Variants in COLGALT2 observed in about 807,000 individuals in gnomAD.
COLGALT2 encodes procollagen galactosyltransferase 2.
COLGALT2 carries 49 observed loss-of-function variants against 73.4 expected under a neutral mutation model. The observed-to-expected ratio is 0.67, with a 90% CI of 0.53 to 0.85. The LOEUF is 0.85. Among genes scored for constraint, COLGALT2 ranks in the 40% least tolerant of loss-of-function variants. The probability of loss-of-function intolerance (pLI) is 0.00; values close to 1 mark genes in which losing one functional copy is unlikely to be tolerated. For missense variants in COLGALT2, 722 were observed against 790.2 expected (o/e 0.91, Z 1.03); for synonymous variants, 295 against 307.6 (o/e 0.96, Z 0.43).
rs139769066 is a variant in COLGALT2, at chr1:184,015,495, C to T, written c.263+21600G>A. Reference sequence around the variant, plus strand: ...TTACTCACTCTGAGAGTCCAATTCCCGCCATTAGAGACATTCTTGATATCT... The same window carrying T: ...TTACTCACTCTGAGAGTCCAATTCCTGCCATTAGAGACATTCTTGATATCT... On this transcript the variant is annotated intron_variant, in intron 1 of 11. Transcript: ENST00000361927. Among the ~76,000 whole-genome samples the T allele has an allele frequency of 1.4e-3, 211 of 152,276 alleles. 2 individuals carry two copies. The highest frequency in any genetic ancestry group is 0.014 in the Middle Eastern group (4 of 292).
rs1672178381 is a variant in COLGALT2 at position 184,009,525 on chromosome 1, TTCTTGTCTTATTCTCCATA to T, written c.263+27551_263+27569del. On this transcript the variant is annotated intron_variant, in intron 1 of 11. Coordinates refer to ENST00000361927, the MANE Select transcript of COLGALT2 (RefSeq NM_015101.4). ...GTCTACTTATTTTATCCTCTGTTTT[TTCTTGTCTTATTCTCCATA>T]TGAATCCCCCTTACTTCCTCTAAAC... Among the ~76,000 whole-genome samples the T allele has an allele frequency of 2.0e-5, 3 of 152,340 alleles. No homozygotes were observed. In the South Asian group the frequency reaches 6.2e-4, roughly 32 times the overall value.
At position 184,028,387 on chromosome 1, in the gene COLGALT2, T is replaced by C. The variant is rs539878020; in HGVS notation, c.263+8708A>G. Among the ~76,000 whole-genome samples, 7 of 152,264 alleles carry C rather than the reference T, an allele frequency of 4.6e-5. No homozygotes were observed. In the East Asian group the frequency reaches 1.4e-3, roughly 29 times the overall value. On this transcript the variant is annotated intron_variant, in intron 1 of 11. Transcript: ENST00000361927. ...GTCTTAGAGTTATGTCTCTCTCTTG[T>C]GAGAATGAGATACTTGCCTTCACCA...
chr1:183,955,262 G>T (rs1211029562), intron 6 of COLGALT2, among the ~76,000 whole-genome samples: 1 of 152,142 alleles, frequency 6.6e-6, no homozygotes, highest in Non-Finnish European at 1.5e-5. Context: ...ATTTAAATGA[G>T]ACCTGCGTGC....
intron 6 of COLGALT2, among the ~76,000 whole-genome samples, chr1:183,955,993 T>C (rs527564158): frequency 6.6e-6 from 1 of 152,302 alleles, no homozygotes; most frequent in African/African-American, 2.4e-5. Flanking sequence ...ACTGTGCTCA[T>C]AGCGGCATGT....
At chr1:183,970,814 T>C (rs1376504437) in intron 4 of COLGALT2, among the ~76,000 whole-genome samples, 1 of 152,238 alleles carries the variant, frequency 6.6e-6, no homozygotes, top group African/African-American at 2.4e-5. Context: ...GTATTATCAT[T>C]ACTATAATGT....
chr1:183,992,758 G>A (rs999685702), intron 1 of COLGALT2, among the ~76,000 whole-genome samples: 5 of 152,152 alleles, frequency 3.3e-5, no homozygotes, highest in African/African-American at 7.2e-5. Flanking sequence ...GGTAGGACAC[G>A]GATACTGGGC....
intron 7 of COLGALT2, among the ~76,000 whole-genome samples, chr1:183,954,379 T>C (rs1309041352): frequency 1.3e-5 from 2 of 152,242 alleles, no homozygotes; most frequent in Non-Finnish European, 2.9e-5. Context: ...TAGTTTCCAC[T>C]TGCTCAGATG....
intron 8 of COLGALT2, among the ~76,000 whole-genome samples, chr1:183,948,184 C>A (rs151124303): frequency 2.4e-4 from 37 of 151,994 alleles, no homozygotes; most frequent in African/African-American, 8.0e-4. Context: ...GAATCTTTCA[C>A]AAACTTCCAA....
intron 10 of COLGALT2, among the ~76,000 whole-genome samples, chr1:183,941,471 C>A (rs576915352): frequency 2.0e-5 from 3 of 152,334 alleles, no homozygotes; most frequent in Admixed American, 2.0e-4. Context: ...CAGGATGCAC[C>A]TTTGGCCACT....
At chr1:183,955,921 T>C (rs1291379446) in intron 6 of COLGALT2, among the ~76,000 whole-genome samples, 1 of 152,156 alleles carries the variant, frequency 6.6e-6, no homozygotes, top group Non-Finnish European at 1.5e-5. Context: ...GGGGAAAGTT[T>C]ATAGTGTGGT....
chr1:184,004,729 C>T (rs765752773), intron 1 of COLGALT2, among the ~76,000 whole-genome samples: 6 of 152,060 alleles, frequency 3.9e-5, no homozygotes, highest in Non-Finnish European at 8.8e-5. Flanking sequence ...TTATTCTAGT[C>T]TGCTGTACTG....
At chr1:184,019,061 T>A (rs1391261405) in intron 1 of COLGALT2, among the ~76,000 whole-genome samples, 2 of 152,206 alleles carry the variant, frequency 1.3e-5, no homozygotes, top group Non-Finnish European at 2.9e-5. Context: ...AATGTGCCTC[T>A]CCTTTCAAAA....
intron 11 of COLGALT2, 110 bp downstream of exon 11, chr1:183,940,470 AT>A: frequency 1.0e-6 from 1 of 976,678 alleles, no homozygotes; most frequent in Non-Finnish European, 1.6e-6. Flanking sequence ...TGAGAAGATC[AT>A]TTAGGAAAGC....
intron 1 of COLGALT2, among the ~76,000 whole-genome samples, chr1:184,010,784 T>G (rs7539379): frequency 0.19 from 29,275 of 152,160 alleles, 5,046 homozygotes; most frequent in African/African-American, 0.46. Flanking sequence ...AAGGTTTCTT[T>G]GAACTCAGTC....
chr1:183,979,472 A>G (rs1376998757), intron 1 of COLGALT2, among the ~76,000 whole-genome samples: 2 of 152,142 alleles, frequency 1.3e-5, no homozygotes, highest in African/African-American at 4.8e-5. Context: ...ATACATTTTC[A>G]TATATTACAG....
In COLGALT2 at chr1:183,936,700, T is replaced by G; in HGVS notation, c.*2061A>C. ...ACCCAAGGAAATCTTAGGAATCACC[T>G]AAGGAATTTTCACTCGCTCCCCAGA... On this transcript the variant is annotated 3_prime_UTR_variant, in exon 12 of 12. Coordinates refer to ENST00000361927, the MANE Select transcript of COLGALT2 (RefSeq NM_015101.4). 2 of 1,229,790 alleles carry G rather than the reference T, an allele frequency of 1.6e-6. No individual in the cohort carries two copies. Among genetic ancestry groups the G allele is most frequent in the Non-Finnish European group, 1.0e-6 (1 of 987,336 alleles). 76.2% of individuals were successfully genotyped at this position (1,229,790 alleles called of 1,614,324 possible).
At chr1:183,997,819 CAT>C (rs1315503608) in intron 1 of COLGALT2, among the ~76,000 whole-genome samples, 4 of 152,232 alleles carry the variant, frequency 2.6e-5, no homozygotes, top group African/African-American at 7.2e-5. Context: ...AAAACTTACA[CAT>C]GTTGATACTT....
downstream of COLGALT2, among the ~76,000 whole-genome samples, chr1:183,932,056 G>T (rs1157039850): frequency 6.6e-6 from 1 of 152,164 alleles, no homozygotes; most frequent in African/African-American, 2.4e-5. Flanking sequence ...TTTCACAGGG[G>T]AGACAGACAT....
rs1419913190 is a variant in COLGALT2, at chr1:184,031,978, C to T, written c.263+5117G>A. On this transcript the variant is annotated intron_variant, in intron 1 of 11. Coordinates refer to ENST00000361927, the MANE Select transcript of COLGALT2 (RefSeq NM_015101.4). The stretch of plus-strand genomic sequence containing the variant: ...GTGGCTCAATCTCGGCTTGCTGCAA[C>T]CTCCACCTCCTAGGTTCAAGCAATC... Among the ~76,000 whole-genome samples, 4 of 150,064 alleles carry T rather than the reference C, an allele frequency of 2.7e-5. No homozygotes were observed. The East Asian group carries it at 6.0e-4, about 23-fold the overall frequency.
Sources: gnomAD v4.1 joint callset for allele counts (sites outside exome capture counted in the v4.1 genomes callset) on GRCh38, gnomAD v4.1.1 for gene constraint, MANE v1.5 for transcripts, NCBI Gene and HGNC (gene_info 2026-07-23, HGNC 2026-07-21) for gene names.